Variants in PTPMT1 observed in about 807,000 individuals in gnomAD.
PTPMT1 encodes the protein protein tyrosine phosphatase mitochondrial 1, also known as phosphatidylglycerophosphatase and protein-tyrosine phosphatase 1.
PTPMT1 carries 12 observed loss-of-function variants against 17.8 expected under a neutral mutation model. The observed-to-expected ratio is 0.67, with a 90% CI of 0.43 to 1.09. The LOEUF (loss-of-function observed/expected upper bound fraction) is 1.09, where lower values mean the gene tolerates loss of function less well. Among genes scored for constraint, PTPMT1 ranks in the 50% least tolerant of loss-of-function variants. PTPMT1 has a pLI of 0.00. For missense variants in PTPMT1, 262 were observed against 266.0 expected (o/e 0.99, Z 0.10); for synonymous variants, 132 against 116.8 (o/e 1.13, Z -0.84).
chr11:47,566,019 G>A, intron 2 of PTPMT1, 33 bp downstream of exon 2: 2 of 1,374,772 alleles, frequency 1.5e-6, no homozygotes, highest in Non-Finnish European at 1.9e-6. Context: ...AGGCTCGGGG[G>A]CCCGCTCCCC....
chr11:47,567,401 G>A (rs1293438464), intron 2 of PTPMT1, among the ~76,000 whole-genome samples: 8 of 147,750 alleles, frequency 5.4e-5, no homozygotes, highest in African/African-American at 2.0e-4. Flanking sequence ...GTGAGTCTCC[G>A]TCTCAAAAAA....
At position 47,572,663 on chromosome 11, in the gene PTPMT1, C is replaced by G. The variant is rs2097251251; in HGVS notation, c.*1034C>G. Reference sequence around the variant, plus strand: ...GCTGTGCCTAAGGTCTGAGAAAAGGCTTGCTCTAAGCAAGCTGTGGTGAGG... The same window carrying G: ...GCTGTGCCTAAGGTCTGAGAAAAGGGTTGCTCTAAGCAAGCTGTGGTGAGG... On this transcript the variant is annotated 3_prime_UTR_variant, in exon 4 of 4. Transcript: ENST00000326674. 7 of 493,404 alleles carry G rather than the reference C, an allele frequency of 1.4e-5. No homozygotes were observed. The South Asian group carries it at 2.1e-4, about 15-fold the overall frequency. 30.6% of individuals were successfully genotyped at this position (493,404 alleles called of 1,614,324 possible). A position where few individuals can be genotyped will look rare whatever the true frequency, so the allele number is the denominator to read the frequency against.
intron 2 of PTPMT1, among the ~76,000 whole-genome samples, chr11:47,569,284 G>A (rs1482416896): frequency 6.6e-6 from 1 of 151,820 alleles, no homozygotes; most frequent in African/African-American, 2.4e-5. Context: ...TACTCGGGAG[G>A]CTGAGGCAGG....
chr11:47,572,953 T>C lies in PTPMT1; in HGVS notation c.*1324T>C. The C allele has an allele frequency of 6.2e-7, 1 of 1,613,952 alleles. No homozygotes were observed. The highest frequency in any genetic ancestry group is 8.5e-7 in the Non-Finnish European group (1 of 1,179,870). On this transcript the variant is annotated 3_prime_UTR_variant, in exon 4 of 4. Coordinates refer to ENST00000326674, the MANE Select transcript of PTPMT1 (RefSeq NM_175732.3). ...CCTTAGGCCAACACAAACTGCAAATTGGTAAGCAGCACCTTAATACCTCTT... is the reference window on the plus strand; with the variant it reads ...CCTTAGGCCAACACAAACTGCAAATCGGTAAGCAGCACCTTAATACCTCTT...
At chr11:47,568,262 T>C (rs981254915) in intron 2 of PTPMT1, among the ~76,000 whole-genome samples, 1 of 152,060 alleles carries the variant, frequency 6.6e-6, no homozygotes, top group Non-Finnish European at 1.5e-5. Context: ...TTCTACCATA[T>C]GTTCCCTCAA....
At chr11:47,567,954 T>C (rs1406802181) in intron 2 of PTPMT1, among the ~76,000 whole-genome samples, 2 of 152,166 alleles carry the variant, frequency 1.3e-5, no homozygotes, top group South Asian at 2.1e-4. Context: ...AGTCTTGCTC[T>C]GTCGCCTAGG....
chr11:47,571,157 G>A (rs1340644921), intron 3 of PTPMT1, among the ~76,000 whole-genome samples: 1 of 152,158 alleles, frequency 6.6e-6, no homozygotes, highest in East Asian at 1.9e-4. Flanking sequence ...ACGTGGAGTA[G>A]GCTGAGGCAG....
intron 2 of PTPMT1, among the ~76,000 whole-genome samples, chr11:47,566,351 C>A (rs958013125): frequency 6.6e-6 from 1 of 151,926 alleles, no homozygotes; most frequent in Admixed American, 6.6e-5. Context: ...GGAGTGGTGG[C>A]GTGCGCCTGT....
intron 3 of PTPMT1, among the ~76,000 whole-genome samples, chr11:47,570,934 T>A (rs2097249278): frequency 6.6e-6 from 1 of 152,224 alleles, no homozygotes; most frequent in Admixed American, 6.5e-5. Context: ...GAGGGTATTT[T>A]GCACCAAGTG....
chr11:47,573,294 C>T lies in PTPMT1; in HGVS notation c.*1665C>T, dbSNP rs757481355. On this transcript the variant is annotated 3_prime_UTR_variant, in exon 4 of 4. Coordinates refer to ENST00000326674, the MANE Select transcript of PTPMT1 (RefSeq NM_175732.3). This position sits in a 1 kb window ranked among gnomAD's most constrained non-coding sequence, Gnocchi z 4.1. The stretch of plus-strand genomic sequence containing the variant: ...CTCTGTGTCAAAGCACTGGATGAGT[C>T]GGGAAGGTTTGGTAAAGAAGTCCAG... 37 of 1,614,010 alleles carry T rather than the reference C, an allele frequency of 2.3e-5. No homozygotes were observed. The Admixed American group carries it at 3.5e-4, about 15-fold the overall frequency.
At position 47,572,943 on chromosome 11, in the gene PTPMT1, A is replaced by C; in HGVS notation, c.*1314A>C. On this transcript the variant is annotated 3_prime_UTR_variant, in exon 4 of 4. Coordinates refer to ENST00000326674, the MANE Select transcript of PTPMT1 (RefSeq NM_175732.3). Reference sequence around the variant, plus strand: ...CTCCCCACAGCCTTAGGCCAACACAAACTGCAAATTGGTAAGCAGCACCTT... The same window carrying C: ...CTCCCCACAGCCTTAGGCCAACACACACTGCAAATTGGTAAGCAGCACCTT... 6.2e-7 allele frequency: 1 copy of C among 1,613,574 alleles called. No homozygotes were observed. Among genetic ancestry groups the C allele is most frequent in the Non-Finnish European group, 8.5e-7 (1 of 1,179,594 alleles).
chr11:47,566,535 C>T lies in PTPMT1; in HGVS notation c.255+549C>T, dbSNP rs188724845. Among the ~76,000 whole-genome samples, 314 of 150,588 alleles carry T rather than the reference C, an allele frequency of 2.1e-3. 1 individual carries two copies. The highest frequency in any genetic ancestry group is 0.018 in the Middle Eastern group (5 of 284). ...TGGAAGTTGACAAAGCCTGATTTCT[C>T]CTTTGTGAACAAATGTAATGTATTC... On this transcript the variant is annotated intron_variant, in intron 2 of 3. Transcript: ENST00000326674.
intron 2 of PTPMT1, among the ~76,000 whole-genome samples, chr11:47,567,989 G>A (rs548159580): frequency 1.3e-4 from 20 of 151,596 alleles, no homozygotes; most frequent in East Asian, 4.0e-4. Flanking sequence ...GCACGATCTC[G>A]GCTCACTGCA....
rs2097250254 is a variant in PTPMT1, at chr11:47,572,213, T to C, written c.*584T>C. On this transcript the variant is annotated 3_prime_UTR_variant, in exon 4 of 4. Transcript: ENST00000326674. ...ACACACATATCCCTTCAAAAACTTT[T>C]ATTTGTATCAACAGTTCCTAGCTCT... The C allele has an allele frequency of 6.5e-6, 1 of 152,934 alleles. No homozygotes were observed. The highest frequency in any genetic ancestry group is 2.4e-5 in the African/African-American group (1 of 41,476). 9.5% of individuals were successfully genotyped at this position (152,934 alleles called of 1,614,324 possible).
In PTPMT1 at chr11:47,568,134, A is replaced by G. The variant is rs1045626284; in HGVS notation, c.256-1566A>G. Among the ~76,000 whole-genome samples the G allele has an allele frequency of 7.3e-4, 110 of 151,378 alleles. 1 individual carries two copies. Among genetic ancestry groups the G allele is most frequent in the South Asian group, 3.5e-3 (17 of 4,796 alleles). ...ACGGGGTTTCACCGTGTTAGCCAGG[A>G]TGGTCTAAATCTCCTGACCTCGTGA... On this transcript the variant is annotated intron_variant, in intron 2 of 3. Transcript: ENST00000326674.
chr11:47,569,887 T>C lies in PTPMT1; in HGVS notation c.443T>C (p.Ile148Thr). 1.9e-6 allele frequency: 3 copies of C among 1,610,538 alleles called. No homozygotes were observed. Among genetic ancestry groups the C allele is most frequent in the Non-Finnish European group, 2.5e-6 (3 of 1,178,272 alleles). The change falls in exon 3 of 4, where the codon ATT becomes ACT. Residue 148 changes from isoleucine (I) to threonine (T), a missense_variant. By Grantham distance (89) the Ile-to-Thr change is moderately conservative. Coordinates refer to ENST00000326674, the MANE Select transcript of PTPMT1 (RefSeq NM_175732.3). ...GCCACTATGGTGGCAGCATACCTGA[T>C]TCAGGTACCAAAGTTCTTTCTGGGC... is the stretch of plus-strand genomic sequence containing the variant. The part of the protein sequence containing the change: ...RSATMVAAYL[I>T]QVHKWSPEEA...
Position 47,569,684 on chromosome 11 carries a change from G to T in PTPMT1, c.256-16G>T. On this transcript the variant is annotated splice_polypyrimidine_tract_variant and intron_variant, in intron 2 of 3. Coordinates refer to ENST00000326674, the MANE Select transcript of PTPMT1 (RefSeq NM_175732.3). ...TTTTTTCATTCTCTTTTTCATACTGGTGGACCTGGTTCCAGGAGTGGAAGA... is the reference window on the plus strand; with the variant it reads ...TTTTTTCATTCTCTTTTTCATACTGTTGGACCTGGTTCCAGGAGTGGAAGA... 1 of 1,586,312 alleles carries T rather than the reference G, an allele frequency of 6.3e-7. No individual in the cohort carries two copies.
chr11:47,568,961 G>A (rs1383891429), intron 2 of PTPMT1, among the ~76,000 whole-genome samples: 1 of 151,562 alleles, frequency 6.6e-6, no homozygotes, highest in Non-Finnish European at 1.5e-5. Flanking sequence ...AAACTGTTGG[G>A]ATTACAGGCG....
Position 47,565,763 on chromosome 11 carries a change from G to C in PTPMT1, c.141G>C (p.Leu47=), listed in dbSNP as rs754843065. ...ACCGCATCGACCCCACCGTGCTGCT[G>C]GGCGCGCTGCCGTTGCGGAGCTTGA... ...WYHRIDPTVL[L]GALPLRSLTR... Residue 47 remains leucine, a synonymous_variant, in exon 1 of 4, where the codon CTG becomes CTC. Transcript: ENST00000326674. 1.6e-5 allele frequency: 25 copies of C among 1,594,482 alleles called. No homozygotes were observed. The African/African-American group carries it at 2.3e-4, about 15-fold the overall frequency.
Sources: gnomAD v4.1 joint callset for allele counts (sites outside exome capture counted in the v4.1 genomes callset) on GRCh38, gnomAD v4.1.1 for gene constraint, Gnocchi (gnomAD v3.1) non-coding constraint, MANE v1.5 for transcripts, NCBI Gene and HGNC (gene_info 2026-07-23, HGNC 2026-07-21) for gene names.